PAPPA2: variants seen among roughly 807,000 people sequenced by gnomAD.
PAPPA2 encodes pappalysin 2, also known as pappalysin-2.
A neutral mutation model predicts 176.4 loss-of-function variants in PAPPA2; 86 were observed. The ratio of observed to expected loss-of-function variants is 0.49; its 90% CI spans 0.41 to 0.58. The LOEUF is 0.58. Among genes scored for constraint, PAPPA2 ranks in the 20% least tolerant of loss-of-function variants. The probability of loss-of-function intolerance (pLI) is 0.00; values close to 1 mark genes in which losing one functional copy is unlikely to be tolerated. For missense variants in PAPPA2, 2,073 were observed against 2,256.9 expected (o/e 0.92, Z 1.65); for synonymous variants, 809 against 852.2 (o/e 0.95, Z 0.88).
chr1:176,684,407 T>A (rs1462752866), intron 4 of PAPPA2, among the ~76,000 whole-genome samples: 2 of 152,110 alleles, frequency 1.3e-5, no homozygotes, highest in East Asian at 3.9e-4. Context: ...TGAAAGTGCC[T>A]CAGAGTGGAG....
chr1:176,612,499 C>T (rs570993609), intron 3 of PAPPA2, among the ~76,000 whole-genome samples: 16 of 152,270 alleles, frequency 1.1e-4, no homozygotes, highest in African/African-American at 3.9e-4. Flanking sequence ...AGTTAGAGTT[C>T]TGGAGCAAGG....
chr1:176,729,902 A>G (rs1184804959), intron 12 of PAPPA2, among the ~76,000 whole-genome samples: 1 of 151,972 alleles, frequency 6.6e-6, no homozygotes, highest in African/African-American at 2.4e-5. Flanking sequence ...ATTTGTATTA[A>G]TTGATATGAA....
At chr1:176,521,731 A>C (rs1302002107) in intron 1 of PAPPA2, among the ~76,000 whole-genome samples, 3 of 152,180 alleles carry the variant, frequency 2.0e-5, no homozygotes, top group African/African-American at 7.2e-5. Context: ...CTCACAAGGC[A>C]ACAAGGGAAG....
chr1:176,667,241 G>A (rs908982398), intron 3 of PAPPA2, among the ~76,000 whole-genome samples: 1 of 149,646 alleles, frequency 6.7e-6, no homozygotes, highest in Non-Finnish European at 1.5e-5. Flanking sequence ...AGCAAAACTC[G>A]GTCTCAAAAA....
intron 2 of PAPPA2, among the ~76,000 whole-genome samples, chr1:176,592,492 T>C (rs1653725902): frequency 6.6e-6 from 1 of 152,126 alleles, no homozygotes; most frequent in Non-Finnish European, 1.5e-5. Flanking sequence ...GAAATATCAT[T>C]TCAGATACAT....
intron 2 of PAPPA2, among the ~76,000 whole-genome samples, chr1:176,588,052 G>A (rs959094892): frequency 1.3e-5 from 2 of 152,186 alleles, no homozygotes; most frequent in African/African-American, 4.8e-5. Context: ...AGGATGGAAT[G>A]TTTTTCCATT....
chr1:176,672,459 G>A (rs1436002046), intron 4 of PAPPA2, among the ~76,000 whole-genome samples: 1 of 152,102 alleles, frequency 6.6e-6, no homozygotes, highest in Non-Finnish European at 1.5e-5. Context: ...CCTGGTCATA[G>A]TGAAGTCTAG....
At chr1:176,474,320 T>C (rs984506809) in intron 1 of PAPPA2, among the ~76,000 whole-genome samples, 2 of 152,204 alleles carry the variant, frequency 1.3e-5, no homozygotes, top group Non-Finnish European at 2.9e-5. Context: ...ACACATAGTC[T>C]TCTTGATCAG....
chr1:176,548,380 G>A (rs1410293414), intron 1 of PAPPA2, among the ~76,000 whole-genome samples: 1 of 152,082 alleles, frequency 6.6e-6, no homozygotes, highest in Non-Finnish European at 1.5e-5. Flanking sequence ...TGGCGGAAGT[G>A]GGACTTTCCC....
At chr1:176,792,291 G>A (rs780649786) in intron 19 of PAPPA2, among the ~76,000 whole-genome samples, 5 of 152,204 alleles carry the variant, frequency 3.3e-5, no homozygotes, top group Admixed American at 6.5e-5. Flanking sequence ...TAGCTGATGC[G>A]AAACCTTGTA....
chr1:176,566,184 G>A (rs1412726325), intron 2 of PAPPA2, among the ~76,000 whole-genome samples: 1 of 152,138 alleles, frequency 6.6e-6, no homozygotes, highest in Admixed American at 6.5e-5. Context: ...GGCCCCAGCT[G>A]GGTTCTTTGG....
chr1:176,695,551 T>C (rs943991625), intron 6 of PAPPA2, among the ~76,000 whole-genome samples, 187 bp from the exon 7 acceptor site: 2 of 152,180 alleles, frequency 1.3e-5, no homozygotes, highest in Admixed American at 1.3e-4. Flanking sequence ...TTCATGTCAC[T>C]GAATTTTGCA....
intron 21 of PAPPA2, among the ~76,000 whole-genome samples, chr1:176,802,893 T>C (rs17378160): frequency 0.078 from 11,862 of 152,274 alleles, 540 homozygotes; most frequent in Middle Eastern, 0.18. Flanking sequence ...ACTAAGACTT[T>C]CTTTAAAAAC....
chr1:176,545,479 T>G (rs963932280), intron 1 of PAPPA2, among the ~76,000 whole-genome samples: 1 of 151,704 alleles, frequency 6.6e-6, no homozygotes, highest in Non-Finnish European at 1.5e-5. Flanking sequence ...GAACTGAAAC[T>G]GTGCATGATT....
At chr1:176,756,338 G>T (rs1239324108) in intron 14 of PAPPA2, among the ~76,000 whole-genome samples, 1 of 152,160 alleles carries the variant, frequency 6.6e-6, no homozygotes, top group East Asian at 1.9e-4. Flanking sequence ...TTGAGGAGGA[G>T]GAAGAATAGG....
intron 3 of PAPPA2, among the ~76,000 whole-genome samples, chr1:176,597,678 T>C (rs975092483): frequency 2.0e-5 from 3 of 152,080 alleles, no homozygotes; most frequent in African/African-American, 7.2e-5. Context: ...GAACTTAAAG[T>C]ATAATTTAAA....
At position 176,556,597 on chromosome 1, in the gene PAPPA2, C is replaced by A. The variant is rs748782807; in HGVS notation, c.275C>A (p.Thr92Lys). 2 of 1,614,192 alleles carry A rather than the reference C, an allele frequency of 1.2e-6. No individual in the cohort carries two copies. The highest frequency in any genetic ancestry group is 1.1e-5 in the South Asian group (1 of 91,082). ...YPVGEQEIHH[T>K]GRSKPDTEGN... Reference sequence around the variant, plus strand: ...GTGGGGGAGCAAGAAATCCATCATACAGGACGCAGCAAACCAGACACTGAA... The same window carrying A: ...GTGGGGGAGCAAGAAATCCATCATAAAGGACGCAGCAAACCAGACACTGAA... Residue 92 changes from threonine to lysine, a missense_variant, in exon 2 of 23, where the codon ACA becomes AAA. Thr to Lys is a moderately conservative substitution (Grantham distance 78, BLOSUM62 -1). This residue lies in a region of PAPPA2 where 1,196 missense variants were observed against 1,330.4 expected (regional missense o/e 0.90). Transcript: ENST00000367662.
At chr1:176,511,503 CGTT>C (rs1446335629) in intron 1 of PAPPA2, among the ~76,000 whole-genome samples, 16 of 152,160 alleles carry the variant, frequency 1.1e-4, no homozygotes, top group Non-Finnish European at 2.9e-5. Flanking sequence ...GTTCGACACT[CGTT>C]GTCTTAACTG....
chr1:176,525,609 C>T (rs1649459131), intron 1 of PAPPA2, among the ~76,000 whole-genome samples: 1 of 152,114 alleles, frequency 6.6e-6, no homozygotes, highest in South Asian at 2.1e-4. Context: ...TTGAAAATTT[C>T]CTCAGACAAT....
Sources: gnomAD v4.1 joint callset for allele counts (sites outside exome capture counted in the v4.1 genomes callset) on GRCh38, gnomAD v4.1.1 for gene constraint, gnomAD v4.1.1 regional missense constraint, MANE v1.5 for transcripts, NCBI Gene and HGNC (gene_info 2026-07-23, HGNC 2026-07-21) for gene names.